The following SH3BGR variants were observed in gnomAD, a reference collection of about 807,000 sequenced individuals.
The protein encoded by SH3BGR is SH3 domain binding glutamate rich protein.
A neutral mutation model predicts 24.5 loss-of-function variants in SH3BGR; 29 were observed. The observed-to-expected ratio is 1.18, with a 90% CI of 0.88 to 1.61. The LOEUF (loss-of-function observed/expected upper bound fraction) is 1.61. Ranked by LOEUF, SH3BGR falls within the 40% of genes most tolerant of loss-of-function variation. The pLI, the probability that SH3BGR is intolerant of heterozygous loss-of-function variation, is 0.00. For missense variants in SH3BGR, 162 were observed against 205.8 expected (o/e 0.79, Z 1.30); for synonymous variants, 55 against 65.7 (o/e 0.84, Z 0.79).
At chr21:39,478,676 T>C (rs916315863) in intron 3 of SH3BGR, among the ~76,000 whole-genome samples, 4 of 152,154 alleles carry the variant, frequency 2.6e-5, no homozygotes, top group Non-Finnish European at 5.9e-5. Context: ...ACCTCTTGGA[T>C]GAATTCTCTA....
intron 4 of SH3BGR, among the ~76,000 whole-genome samples, chr21:39,508,119 G>A (rs1347206638): frequency 6.6e-6 from 1 of 152,196 alleles, no homozygotes; most frequent in Admixed American, 6.5e-5. Flanking sequence ...GTGCTGGGTA[G>A]AGAATGTATA....
chr21:39,459,219 T>C (rs1164429031), intron 1 of SH3BGR, among the ~76,000 whole-genome samples: 1 of 151,850 alleles, frequency 6.6e-6, no homozygotes, highest in Non-Finnish European at 1.5e-5. Context: ...TTCTTCCTTT[T>C]TTCTTTTTCT....
intron 2 of SH3BGR, among the ~76,000 whole-genome samples, chr21:39,467,328 G>T (rs1408538255): frequency 6.6e-6 from 1 of 151,996 alleles, no homozygotes; most frequent in Non-Finnish European, 1.5e-5. Context: ...TTTTTAAGAT[G>T]TATTTTCCTA....
At chr21:39,450,292 A>C (rs1307180862), upstream of SH3BGR, among the ~76,000 whole-genome samples, 1 of 152,244 alleles carries the variant, frequency 6.6e-6, no homozygotes, top group Non-Finnish European at 1.5e-5. Flanking sequence ...AATCATCTTC[A>C]TCAAGGACCT....
chr21:39,499,383 A>C (rs1412684705), intron 3 of SH3BGR, among the ~76,000 whole-genome samples: 1 of 151,608 alleles, frequency 6.6e-6, no homozygotes, highest in African/African-American at 2.4e-5. Context: ...CCATCCATCC[A>C]TCTCTCCATC....
intron 3 of SH3BGR, among the ~76,000 whole-genome samples, chr21:39,493,164 T>C (rs1299320669): frequency 6.6e-6 from 1 of 152,238 alleles, no homozygotes; most frequent in Non-Finnish European, 1.5e-5. Context: ...GCATTTGCTT[T>C]TGGGTTCTTG....
At chr21:39,488,845 A>C (rs2078252598) in intron 3 of SH3BGR, 1 of 177,140 alleles carries the variant, frequency 5.6e-6, no homozygotes, top group Non-Finnish European at 1.2e-5. Flanking sequence ...GCCCTGTGAG[A>C]CACTGTGTAT....
intron 3 of SH3BGR, chr21:39,488,635 G>A: frequency 3.0e-6 from 1 of 335,964 alleles, no homozygotes; most frequent in Non-Finnish European, 6.0e-6. Flanking sequence ...TTGGGTGTTT[G>A]ACAAGGAAGA....
intron 5 of SH3BGR, among the ~76,000 whole-genome samples, chr21:39,510,398 T>TACACACAC (rs34806393): frequency 1.8e-5 from 2 of 111,626 alleles, no homozygotes; most frequent in African/African-American, 7.1e-5. Flanking sequence ...ACACTGTAGC[T>TACACACAC]ACACACACAC....
intron 4 of SH3BGR, among the ~76,000 whole-genome samples, chr21:39,503,082 A>G (rs1228276141): frequency 6.6e-6 from 1 of 152,078 alleles, no homozygotes; most frequent in Non-Finnish European, 1.5e-5. Context: ...AGGGGTGGAA[A>G]GCCAGAACAA....
chr21:39,473,648 G>A (rs2077977971), intron 2 of SH3BGR, among the ~76,000 whole-genome samples: 1 of 152,220 alleles, frequency 6.6e-6, no homozygotes, highest in East Asian at 1.9e-4. Flanking sequence ...ACTTTGGGAG[G>A]CTGAGGTGGG....
At chr21:39,458,231 G>T (rs564909786) in intron 1 of SH3BGR, among the ~76,000 whole-genome samples, 16 of 152,124 alleles carry the variant, frequency 1.1e-4, no homozygotes, top group Admixed American at 7.2e-4. Flanking sequence ...TTTGTGAGTT[G>T]TTTTTATATG....
chr21:39,480,667 C>G (rs1308357848), intron 3 of SH3BGR, among the ~76,000 whole-genome samples: 1 of 152,196 alleles, frequency 6.6e-6, no homozygotes, highest in Non-Finnish European at 1.5e-5. Context: ...ATTTGTGTAT[C>G]TTTTGTTTAA....
upstream of SH3BGR, among the ~76,000 whole-genome samples, chr21:39,448,524 G>A (rs1331656676): frequency 2.0e-5 from 3 of 151,924 alleles, no homozygotes; most frequent in Non-Finnish European, 1.5e-5. Flanking sequence ...TCCAACAGAC[G>A]GACAAAATGA....
intron 2 of SH3BGR, among the ~76,000 whole-genome samples, chr21:39,469,584 C>T (rs910302949): frequency 1.3e-5 from 2 of 151,530 alleles, no homozygotes; most frequent in Non-Finnish European, 1.5e-5. Context: ...AAATTTCTCA[C>T]TGAGTACTGT....
chr21:39,464,486 G>A (rs1335699505), intron 2 of SH3BGR, among the ~76,000 whole-genome samples: 1 of 152,200 alleles, frequency 6.6e-6, no homozygotes, highest in Non-Finnish European at 1.5e-5. Flanking sequence ...GCCTCCCAAA[G>A]TGCTGGGATT....
intron 3 of SH3BGR, among the ~76,000 whole-genome samples, chr21:39,486,297 A>C (rs1395278409): frequency 1.3e-5 from 2 of 152,256 alleles, no homozygotes; most frequent in East Asian, 3.8e-4. Flanking sequence ...TGTGACATGC[A>C]AAACGAAACT....
intron 4 of SH3BGR, among the ~76,000 whole-genome samples, chr21:39,505,836 A>G (rs1313518881): frequency 6.6e-6 from 1 of 152,192 alleles, no homozygotes; most frequent in African/African-American, 2.4e-5. Flanking sequence ...TTACATTCCT[A>G]TAAGACTTCC....
chr21:39,505,430 A>C (rs1251728576), intron 4 of SH3BGR, among the ~76,000 whole-genome samples: 1 of 152,204 alleles, frequency 6.6e-6, no homozygotes, highest in Non-Finnish European at 1.5e-5. Context: ...CCTGCTAAAC[A>C]TATCTTTTAA....
Sources: gnomAD v4.1 joint callset for allele counts (sites outside exome capture counted in the v4.1 genomes callset) on GRCh38, gnomAD v4.1.1 for gene constraint, MANE v1.5 for transcripts, NCBI Gene and HGNC (gene_info 2026-07-23, HGNC 2026-07-21) for gene names.